The following DRC11 variants were observed in gnomAD, a reference collection of about 807,000 sequenced individuals.
DRC11 encodes the protein dynein regulatory complex subunit 11, also known as IQ and AAA domain-containing protein 1.
chr2:236,323,745 C>T, the DRC11 span, among the ~76,000 whole-genome samples: 5 of 152,160 alleles, frequency 3.3e-5, no homozygotes, highest in African/African-American at 9.7e-5. This position sits in a 1 kb window ranked among gnomAD's most constrained non-coding sequence, Gnocchi z 6.4. Context: ...TAAATTCATC[C>T]CATCTCAATT....
chr2:236,413,217 A>G, the DRC11 span, among the ~76,000 whole-genome samples: 6 of 152,194 alleles, frequency 3.9e-5, no homozygotes, highest in African/African-American at 1.4e-4. The surrounding 1 kb of genome is among the most constrained non-coding windows in gnomAD (Gnocchi z 4.0). Context: ...AAACATGAAG[A>G]AAGTCCACAC....
the DRC11 span, among the ~76,000 whole-genome samples, chr2:236,316,145 TTCTCTCTCTCTCTCTC>T: frequency 1.4e-5 from 2 of 146,124 alleles, no homozygotes; most frequent in East Asian, 2.0e-4. This position sits in a 1 kb window ranked among gnomAD's most constrained non-coding sequence, Gnocchi z 6.8. Flanking sequence ...ACTTATTTTC[TTCTCTCTCTCTCTCTC>T]TCTCTCTCTC....
the DRC11 span, among the ~76,000 whole-genome samples, chr2:236,491,462 C>T: frequency 0.27 from 40,420 of 150,850 alleles, 5,884 homozygotes; most frequent in African/African-American, 0.36. Flanking sequence ...TGAAGGAACA[C>T]AGAAGCCTGT....
the DRC11 span, among the ~76,000 whole-genome samples, chr2:236,380,372 G>T: frequency 1.3e-5 from 2 of 152,208 alleles, no homozygotes; most frequent in Admixed American, 1.3e-4. This position sits in a 1 kb window ranked among gnomAD's most constrained non-coding sequence, Gnocchi z 4.9. Flanking sequence ...AAGCCATGGG[G>T]GTCCAGGTTT....
chr2:236,457,054 A>G, the DRC11 span, among the ~76,000 whole-genome samples: 3 of 152,176 alleles, frequency 2.0e-5, no homozygotes, highest in South Asian at 6.2e-4. This position sits in a 1 kb window ranked among gnomAD's most constrained non-coding sequence, Gnocchi z 4.7. Flanking sequence ...GGGCTGGATG[A>G]AGTTACAACC....
the DRC11 span, among the ~76,000 whole-genome samples, chr2:236,375,209 G>A: frequency 4.6e-5 from 7 of 152,042 alleles, no homozygotes; most frequent in South Asian, 2.1e-4. The surrounding 1 kb of genome is among the most constrained non-coding windows in gnomAD (Gnocchi z 4.2). Flanking sequence ...ACTCTTAAAC[G>A]GCTGACTCCA....
At chr2:236,368,524 T>G in the DRC11 span, 2 of 503,078 alleles carry the variant, frequency 4.0e-6, no homozygotes, top group South Asian at 5.0e-5. Flanking sequence ...TAGAGTAAAC[T>G]GGGAATGATG....
chr2:236,499,485 G>C, the DRC11 span, among the ~76,000 whole-genome samples: 1 of 152,178 alleles, frequency 6.6e-6, no homozygotes, highest in Non-Finnish European at 1.5e-5. This position sits in a 1 kb window ranked among gnomAD's most constrained non-coding sequence, Gnocchi z 4.7. Flanking sequence ...CCAGAGTGCA[G>C]TGGCACGATC....
the DRC11 span, among the ~76,000 whole-genome samples, chr2:236,401,619 C>T: frequency 2.6e-5 from 4 of 152,138 alleles, no homozygotes; most frequent in Non-Finnish European, 5.9e-5. The surrounding 1 kb of genome is among the most constrained non-coding windows in gnomAD (Gnocchi z 4.6). Context: ...ACACGGGCTA[C>T]GGAGCGGAGG....
At chr2:236,498,868 T>C in the DRC11 span, among the ~76,000 whole-genome samples, 2 of 152,214 alleles carry the variant, frequency 1.3e-5, no homozygotes, top group East Asian at 3.8e-4. Context: ...GTGATTTTTT[T>C]ATTCTGCTTT....
At chr2:236,486,896 C>T in the DRC11 span, 1 of 1,604,656 alleles carries the variant, frequency 6.2e-7, no homozygotes, top group Admixed American at 1.7e-5. The surrounding 1 kb of genome is among the most constrained non-coding windows in gnomAD (Gnocchi z 5.7). Flanking sequence ...GAAACGTCGC[C>T]AAACCTAAAA....
the DRC11 span, among the ~76,000 whole-genome samples, chr2:236,372,378 C>T: frequency 1.3e-5 from 2 of 152,064 alleles, no homozygotes. The surrounding 1 kb of genome is among the most constrained non-coding windows in gnomAD (Gnocchi z 4.5). Flanking sequence ...CTGATTTTTT[C>T]TGAAATAGAC....
chr2:236,452,004 G>A, the DRC11 span, among the ~76,000 whole-genome samples: 6 of 152,144 alleles, frequency 3.9e-5, no homozygotes, highest in African/African-American at 1.4e-4. The surrounding 1 kb of genome is among the most constrained non-coding windows in gnomAD (Gnocchi z 4.7). Flanking sequence ...GTCAAATGCT[G>A]GGGAGGGCAA....
chr2:236,390,742 C>T, the DRC11 span, among the ~76,000 whole-genome samples: 18 of 151,734 alleles, frequency 1.2e-4, no homozygotes, highest in African/African-American at 4.4e-4. The surrounding 1 kb of genome is among the most constrained non-coding windows in gnomAD (Gnocchi z 5.9). Context: ...AAGCAAGGTG[C>T]ACCCAGGGTT....
chr2:236,378,424 A>G, the DRC11 span, among the ~76,000 whole-genome samples: 1 of 152,172 alleles, frequency 6.6e-6, no homozygotes, highest in Non-Finnish European at 1.5e-5. Flanking sequence ...CTGTAATCCT[A>G]GCACTTTGGG....
the DRC11 span, among the ~76,000 whole-genome samples, chr2:236,357,600 T>C: frequency 1.6e-5 from 2 of 126,148 alleles, no homozygotes; most frequent in East Asian, 4.7e-4. Context: ...TGCATTTATG[T>C]AAATATATAT....
At chr2:236,317,503 C>T in the DRC11 span, among the ~76,000 whole-genome samples, 5 of 152,100 alleles carry the variant, frequency 3.3e-5, no homozygotes, top group African/African-American at 1.2e-4. This position sits in a 1 kb window ranked among gnomAD's most constrained non-coding sequence, Gnocchi z 5.4. Flanking sequence ...AAAGTTCAAA[C>T]CCAGCTAAAA....
the DRC11 span, among the ~76,000 whole-genome samples, chr2:236,390,544 A>G: frequency 9.6e-3 from 1,459 of 152,306 alleles, 26 homozygotes; most frequent in African/African-American, 0.034. This position sits in a 1 kb window ranked among gnomAD's most constrained non-coding sequence, Gnocchi z 5.9. Context: ...TCTTCTCTGA[A>G]GTTACAAGTT....
At chr2:236,418,673 C>G in the DRC11 span, among the ~76,000 whole-genome samples, 1 of 152,228 alleles carries the variant, frequency 6.6e-6, no homozygotes, top group Non-Finnish European at 1.5e-5. Context: ...TGTGTGAACT[C>G]TGATTTCCTT....
Sources: allele counts gnomAD v4.1 joint callset (sites outside exome capture counted in the v4.1 genomes callset), GRCh38; gene constraint gnomAD v4.1.1; non-coding constraint Gnocchi (gnomAD v3.1); transcripts MANE v1.5; gene names NCBI Gene and HGNC (gene_info 2026-07-23, HGNC 2026-07-21).